KIAA1217: variants seen among roughly 807,000 people sequenced by gnomAD.
KIAA1217 encodes the protein KIAA1217, also known as sickle tail protein homolog.
KIAA1217 carries 88 observed loss-of-function variants against 163.9 expected under a neutral mutation model. That is an observed-to-expected ratio of 0.54 (90% CI 0.45 to 0.64). KIAA1217 has a LOEUF of 0.64. KIAA1217 is among the 30% of genes least tolerant of loss of function. The pLI is 0.00. For synonymous variants in KIAA1217, 903 were observed against 923.1 expected (o/e 0.98, Z 0.39); for missense variants, 2,372 against 2,475.0 (o/e 0.96, Z 0.88).
At chr10:24,491,931 CT>C (rs67088854) in intron 6 of KIAA1217, among the ~76,000 whole-genome samples, 2,195 of 148,104 alleles carry the variant, frequency 0.015, 61 homozygotes, top group African/African-American at 0.05. Context: ...GCCACGTTAC[CT>C]TTTTTTTTTT....
At chr10:24,078,924 C>T (rs1027908933) in intron 2 of KIAA1217, among the ~76,000 whole-genome samples, 4 of 152,176 alleles carry the variant, frequency 2.6e-5, no homozygotes, top group Non-Finnish European at 5.9e-5. Flanking sequence ...CCAAAGGATC[C>T]CTCGTTAAAA....
chr10:23,953,078 T>A (rs1844410811), intron 1 of KIAA1217, among the ~76,000 whole-genome samples: 1 of 152,238 alleles, frequency 6.6e-6, no homozygotes, highest in Non-Finnish European at 1.5e-5. Flanking sequence ...ATCAGTGATA[T>A]CTTACATATT....
chr10:24,412,655 G>T (rs1036948957), intron 3 of KIAA1217, among the ~76,000 whole-genome samples: 2 of 152,096 alleles, frequency 1.3e-5, no homozygotes, highest in Non-Finnish European at 2.9e-5. Flanking sequence ...GGTCCTCCTG[G>T]GTCTCCTTTG....
At chr10:24,200,111 G>A (rs558184444) in intron 2 of KIAA1217, among the ~76,000 whole-genome samples, 4 of 151,840 alleles carry the variant, frequency 2.6e-5, no homozygotes, top group South Asian at 2.1e-4. Flanking sequence ...CTGCTGCTAC[G>A]CGGTCTGCTC....
At chr10:24,344,278 A>G (rs1344960707) in intron 2 of KIAA1217, among the ~76,000 whole-genome samples, 1 of 152,246 alleles carries the variant, frequency 6.6e-6, no homozygotes, top group African/African-American at 2.4e-5. Flanking sequence ...ACAGCGTTCA[A>G]TAAATCTACT....
Position 24,345,868 on chromosome 10 carries a change from G to A in KIAA1217, c.355-35001G>A, listed in dbSNP as rs146393536. Among the ~76,000 whole-genome samples the A allele has an allele frequency of 2.6e-4, 39 of 152,164 alleles. No individual in the cohort carries two copies. In the East Asian group the frequency reaches 5.6e-3, roughly 22 times the overall value. ...TAACCATTTTAAAGCGTACAGTTCC[G>A]TGGTGTTAAGTATATTCACATTGTT... On this transcript the variant is annotated intron_variant, in intron 2 of 20. Coordinates refer to ENST00000376454, the MANE Select transcript of KIAA1217 (RefSeq NM_019590.5).
rs369544770 is a variant in KIAA1217, at chr10:24,543,055, C to A, written c.3785C>A (p.Thr1262Asn). Residue 1262 changes from threonine to asparagine, a missense_variant, in exon 19 of 21, where the codon ACT becomes AAT. By Grantham distance (65) the Thr-to-Asn change is moderately conservative. Around this residue, in one of 3 missense-constraint regions of KIAA1217, gnomAD observed 251 missense variants for 327.3 expected, o/e 0.77. Coordinates refer to ENST00000376454, the MANE Select transcript of KIAA1217 (RefSeq NM_019590.5). ...LRDSRNYSQE[T>N]VPKASFGFSG... ...GACAGTAGAAACTATTCCCAGGAAACTGTGCCTAAGGCCAGTTTCGGTTTC... is the reference window on the plus strand; with the variant it reads ...GACAGTAGAAACTATTCCCAGGAAAATGTGCCTAAGGCCAGTTTCGGTTTC... 1.9e-6 allele frequency: 3 copies of A among 1,613,678 alleles called. No individual in the cohort carries two copies. Among genetic ancestry groups the A allele is most frequent in the Non-Finnish European group, 2.5e-6 (3 of 1,179,922 alleles).
chr10:24,475,805 G>A (rs2063960292), intron 6 of KIAA1217, among the ~76,000 whole-genome samples: 1 of 152,308 alleles, frequency 6.6e-6, no homozygotes, highest in Middle Eastern at 3.4e-3. Flanking sequence ...TGTGCGATAA[G>A]TCTTGGAAGC....
At chr10:24,042,902 G>C (rs1848717355) in intron 2 of KIAA1217, among the ~76,000 whole-genome samples, 1 of 152,174 alleles carries the variant, frequency 6.6e-6, no homozygotes, top group Non-Finnish European at 1.5e-5. Context: ...TGGAAGTGTT[G>C]CATGCTTAAT....
intron 2 of KIAA1217, among the ~76,000 whole-genome samples, chr10:24,329,738 G>A (rs183945277): frequency 3.3e-5 from 5 of 152,204 alleles, no homozygotes; most frequent in East Asian, 3.9e-4. Flanking sequence ...TTCTAGTGTC[G>A]GCACTCAATA....
intron 1 of KIAA1217, among the ~76,000 whole-genome samples, chr10:23,829,032 T>C (rs1045883127): frequency 6.6e-6 from 1 of 152,212 alleles, no homozygotes; most frequent in African/African-American, 2.4e-5. Flanking sequence ...TACATTGATA[T>C]ATGCAAAATC....
chr10:24,105,966 G>A (rs950196059), intron 2 of KIAA1217, among the ~76,000 whole-genome samples: 5 of 152,174 alleles, frequency 3.3e-5, no homozygotes, highest in Admixed American at 2.6e-4. Flanking sequence ...AGTCAGTGAG[G>A]CCTAAAAGAA....
In KIAA1217 at chr10:24,256,046, CAAA is replaced by C. The variant is rs11358712; in HGVS notation, c.354+36158_354+36160del. On this transcript the variant is annotated intron_variant, in intron 2 of 20. Coordinates refer to ENST00000376454, the MANE Select transcript of KIAA1217 (RefSeq NM_019590.5). ...GCCGATTAACTCAAGCTCAGATGAC[CAAA>C]AAAAAAAAAAAAAAAAAAAAGCTGC... Among the ~76,000 whole-genome samples, 331 of 79,100 alleles carry C rather than the reference CAAA, an allele frequency of 4.2e-3. 2 individuals carry two copies. Among genetic ancestry groups the C allele is most frequent in the Non-Finnish European group, 5.0e-3 (218 of 43,238 alleles). 51.9% of individuals were successfully genotyped at this position (79,100 alleles called of 152,430 possible). A position where few individuals can be genotyped will look rare whatever the true frequency, so the allele number is the denominator to read the frequency against.
At chr10:23,792,640 C>T (rs1328687389) in intron 1 of KIAA1217, among the ~76,000 whole-genome samples, 1 of 151,082 alleles carries the variant, frequency 6.6e-6, no homozygotes, top group African/African-American at 2.4e-5. Context: ...CTACAGGCGC[C>T]TGCCACCACG....
At chr10:23,778,011 C>T (rs1236472239) in intron 1 of KIAA1217, among the ~76,000 whole-genome samples, 8 of 151,318 alleles carry the variant, frequency 5.3e-5, no homozygotes, top group African/African-American at 1.5e-4. Context: ...GGTGTGATCT[C>T]GGCTCACTGT....
At chr10:23,929,489 A>G (rs1449112971) in intron 1 of KIAA1217, among the ~76,000 whole-genome samples, 1 of 152,002 alleles carries the variant, frequency 6.6e-6, no homozygotes, top group Admixed American at 6.6e-5. Flanking sequence ...TGGAGTCCCC[A>G]GTGTTTATTT....
intron 2 of KIAA1217, among the ~76,000 whole-genome samples, chr10:24,057,983 A>T (rs2060587277): frequency 6.6e-6 from 1 of 152,182 alleles, no homozygotes. Context: ...GCTGAGGCCA[A>T]TGTCATGAAT....
intron 2 of KIAA1217, among the ~76,000 whole-genome samples, chr10:24,323,787 TCGTGTG>T (rs2099329031): frequency 9.4e-6 from 1 of 106,456 alleles, no homozygotes; most frequent in Non-Finnish European, 1.9e-5. Flanking sequence ...TGTTTTCTCT[TCGTGTG>T]TGTGTGTGTG....
intron 1 of KIAA1217, among the ~76,000 whole-genome samples, chr10:23,718,849 G>C (rs1489232066): frequency 6.9e-6 from 1 of 144,434 alleles, no homozygotes; most frequent in Non-Finnish European, 1.5e-5. Context: ...AGGGAGGGAG[G>C]GGGAGAGAGA....
Sources: gnomAD v4.1 joint callset for allele counts (sites outside exome capture counted in the v4.1 genomes callset) on GRCh38, gnomAD v4.1.1 for gene constraint, gnomAD v4.1.1 regional missense constraint, MANE v1.5 for transcripts, NCBI Gene and HGNC (gene_info 2026-07-23, HGNC 2026-07-21) for gene names.